Variants in ADGRV1 observed in about 807,000 individuals in gnomAD.
The protein encoded by ADGRV1 is G-protein coupled receptor 98.
In ADGRV1, 359 loss-of-function variants were observed where a neutral mutation model predicts 596.2. That is an observed-to-expected ratio of 0.60 (90% CI 0.55 to 0.66). The LOEUF is 0.66. Ranked by LOEUF, ADGRV1 falls within the 30% of genes least tolerant of loss-of-function variation. ADGRV1 has a pLI of 0.00. For missense variants in ADGRV1, 7,274 were observed against 7,575.6 expected (o/e 0.96, Z 1.48); for synonymous variants, 2,681 against 2,679.2 (o/e 1.00, Z -0.02).
At chr5:91,163,684 A>T (rs1797136286) in intron 89 of ADGRV1, 98 bp from the exon 90 acceptor site, 1 of 556,704 alleles carries the variant, frequency 1.8e-6, no homozygotes, top group Admixed American at 3.1e-5. Flanking sequence ...TTACTAATAT[A>T]ATAGAAATAA....
chr5:90,662,586 T>C (rs1413350674), intron 21 of ADGRV1, among the ~76,000 whole-genome samples: 1 of 152,012 alleles, frequency 6.6e-6, no homozygotes, highest in East Asian at 1.9e-4. Context: ...AGAATCCTGG[T>C]AGTTTTTTTT....
Position 90,754,859 on chromosome 5 carries a change from T to C in ADGRV1, c.11378-124T>C, listed in dbSNP as rs138889187. On this transcript the variant is annotated intron_variant, in intron 54 of 89. Transcript: ENST00000405460. ...GATCCTTGGGAGTATACATTGTCTT[T>C]GTTTTACTTCTTTTTCCTTAACTGT... is the stretch of plus-strand genomic sequence containing the variant. The C allele has an allele frequency of 1.2e-5, 8 of 670,106 alleles. No individual in the cohort carries two copies. In the African/African-American group the frequency reaches 1.3e-4, roughly 10 times the overall value. 41.5% of individuals were successfully genotyped at this position (670,106 alleles called of 1,614,324 possible).
At chr5:90,678,223 T>C (rs1046030128) in intron 25 of ADGRV1, among the ~76,000 whole-genome samples, 26 of 152,128 alleles carry the variant, frequency 1.7e-4, no homozygotes, top group African/African-American at 5.8e-4. Flanking sequence ...GGGCAGATCT[T>C]ACACTAGCAT....
chr5:90,880,216 G>A (rs1455636748), intron 83 of ADGRV1, among the ~76,000 whole-genome samples: 1 of 152,134 alleles, frequency 6.6e-6, no homozygotes, highest in East Asian at 1.9e-4. Context: ...GCAGGGCTAA[G>A]ATTTGAACCT....
In ADGRV1 at chr5:90,756,472, G is replaced by C. The variant is rs10062026; in HGVS notation, c.11599G>C (p.Glu3867Gln). The change falls in exon 56 of 90, where the codon GAG becomes CAG. Residue 3867 changes from glutamate to glutamine, a missense_variant. Glu to Gln is a conservative substitution (Grantham distance 29, BLOSUM62 2). This residue lies in a region of ADGRV1 where 3,643 missense variants were observed against 3,809.2 expected (regional missense o/e 0.96). Coordinates refer to ENST00000405460, the MANE Select transcript of ADGRV1 (RefSeq NM_032119.4). ...CCCCCAGGATGACCTTCCTGAATTG[G>C]AGGAAGGATTTATTGTCACTATCAC... ...SILPDDLPEL[E>Q]EGFIVTITEV... 1 of 1,534,784 alleles carries C rather than the reference G, an allele frequency of 6.5e-7. No individual in the cohort carries two copies. Among genetic ancestry groups the C allele is most frequent in the Non-Finnish European group, 8.8e-7 (1 of 1,139,280 alleles).
chr5:90,662,711 C>CT (rs899934065), intron 21 of ADGRV1, among the ~76,000 whole-genome samples: 1 of 151,894 alleles, frequency 6.6e-6, no homozygotes, highest in Non-Finnish European at 1.5e-5. Context: ...TCTGCACCCA[C>CT]TAACTCGTCA....
At chr5:90,691,100 A>G (rs772849094) in intron 31 of ADGRV1, 59 bp downstream of exon 31, 3 of 1,586,828 alleles carry the variant, frequency 1.9e-6, no homozygotes, top group South Asian at 2.2e-5. Flanking sequence ...TATAGTGACT[A>G]GAACAGATGG....
chr5:90,668,143 C>G (rs10044735), intron 21 of ADGRV1, among the ~76,000 whole-genome samples: 1 of 151,170 alleles, frequency 6.6e-6, no homozygotes, highest in Non-Finnish European at 1.5e-5. Context: ...TCCACCCAGT[C>G]TGAGCTTCCA....
intron 25 of ADGRV1, 21 bp downstream of exon 25, chr5:90,676,230 A>C: frequency 6.3e-7 from 1 of 1,590,246 alleles, no homozygotes. Flanking sequence ...TGATTCAAAA[A>C]TGTTAAATAT....
At chr5:91,042,802 A>G (rs1244590532) in intron 85 of ADGRV1, among the ~76,000 whole-genome samples, 1 of 152,208 alleles carries the variant, frequency 6.6e-6, no homozygotes, top group Non-Finnish European at 1.5e-5. Context: ...TTGTGCTTGT[A>G]GACCCATAAA....
At chr5:90,978,295 AAAATAAATAAAT>A (rs10529732) in intron 84 of ADGRV1, among the ~76,000 whole-genome samples, 2 of 148,480 alleles carry the variant, frequency 1.3e-5, no homozygotes. Context: ...ACTTCATCTC[AAAATAAATAAAT>A]AAATAAATAA....
At chr5:90,707,207 A>T (rs1388246554) in intron 38 of ADGRV1, among the ~76,000 whole-genome samples, 1 of 152,154 alleles carries the variant, frequency 6.6e-6, no homozygotes, top group Admixed American at 6.5e-5. Flanking sequence ...TTGCATTTTA[A>T]ATAATTTTTC....
intron 85 of ADGRV1, among the ~76,000 whole-genome samples, chr5:91,058,248 C>G (rs1454650425): frequency 6.6e-6 from 1 of 152,120 alleles, no homozygotes; most frequent in Non-Finnish European, 1.5e-5. Flanking sequence ...CCTCTACTAT[C>G]CCTTCTAGTG....
At chr5:91,111,615 A>T (rs1683137861) in intron 87 of ADGRV1, among the ~76,000 whole-genome samples, 1 of 152,216 alleles carries the variant, frequency 6.6e-6, no homozygotes, top group Admixed American at 6.5e-5. Flanking sequence ...TAATTGTTTC[A>T]AGGCACTCCC....
chr5:90,833,981 T>TA (rs1468577944), intron 77 of ADGRV1, among the ~76,000 whole-genome samples: 1 of 152,188 alleles, frequency 6.6e-6, no homozygotes, highest in Non-Finnish European at 1.5e-5. Context: ...TGCATAAACA[T>TA]ACAAGTGAAC....
chr5:91,055,240 G>A (rs186080226), intron 85 of ADGRV1, among the ~76,000 whole-genome samples: 22 of 151,366 alleles, frequency 1.5e-4, no homozygotes, highest in African/African-American at 4.6e-4. Flanking sequence ...TGATAAGCTT[G>A]CTGTTGCAAA....
chr5:90,868,765 C>T (rs1466197423), intron 83 of ADGRV1, among the ~76,000 whole-genome samples: 1 of 150,144 alleles, frequency 6.7e-6, no homozygotes, highest in East Asian at 2.0e-4. Context: ...TGAATAAAGA[C>T]ATTCTGCACA....
rs747967195 is a variant in ADGRV1 at position 90,829,012 on chromosome 5, C to T, written c.16437C>T (p.Asn5479=). 2 of 1,608,548 alleles carry T rather than the reference C, an allele frequency of 1.2e-6. No homozygotes were observed. Among genetic ancestry groups the T allele is most frequent in the Non-Finnish European group, 1.7e-6 (2 of 1,176,550 alleles). The change falls in exon 77 of 90, where the codon AAC becomes AAT. Residue 5479 remains asparagine (N), a synonymous_variant. Coordinates refer to ENST00000405460, the MANE Select transcript of ADGRV1 (RefSeq NM_032119.4). ...CTACTGCTGGAGCAGCAATAAACAA[C>T]AGTGCCAGATTCGCACAGATTAAAA... is the stretch of plus-strand genomic sequence containing the variant. ...YEATAGAAIN[N]SARFAQIKIL... is the part of the protein sequence containing the mutation.
At chr5:91,032,420 G>A (rs1012110140) in intron 85 of ADGRV1, among the ~76,000 whole-genome samples, 1 of 152,118 alleles carries the variant, frequency 6.6e-6, no homozygotes, top group African/African-American at 2.4e-5. Context: ...GATTAAGGTG[G>A]TAACAACTGA....
Sources: gnomAD v4.1 joint callset for allele counts (sites outside exome capture counted in the v4.1 genomes callset) on GRCh38, gnomAD v4.1.1 for gene constraint, gnomAD v4.1.1 regional missense constraint, MANE v1.5 for transcripts, NCBI Gene and HGNC (gene_info 2026-07-23, HGNC 2026-07-21) for gene names.